The following ARHGAP15 variants were observed in gnomAD, a reference collection of about 807,000 sequenced individuals.
The protein encoded by ARHGAP15 is rho GTPase-activating protein 15.
Under a neutral mutation model 63.7 loss-of-function variants are expected in ARHGAP15, and 51 were observed. The ratio of observed to expected loss-of-function variants is 0.80; its 90% CI spans 0.64 to 1.01. ARHGAP15 has a LOEUF of 1.01. ARHGAP15 is among the 50% of genes least tolerant of loss of function. The pLI is 0.00. For synonymous variants in ARHGAP15, 191 were observed against 193.8 expected (o/e 0.99, Z 0.12); for missense variants, 560 against 564.6 (o/e 0.99, Z 0.08).
At chr2:143,381,154 T>C (rs1290599375) in intron 6 of ARHGAP15, among the ~76,000 whole-genome samples, 1 of 152,172 alleles carries the variant, frequency 6.6e-6, no homozygotes, top group Non-Finnish European at 1.5e-5. Flanking sequence ...TCTAGTCGAG[T>C]GAAGTCTTCA....
chr2:143,224,024 T>C (rs1693104263), intron 4 of ARHGAP15, among the ~76,000 whole-genome samples: 1 of 152,224 alleles, frequency 6.6e-6, no homozygotes, highest in South Asian at 2.1e-4. Flanking sequence ...CTTAGAATTG[T>C]GTTTGGCACG....
At chr2:143,375,959 C>T (rs1027561794) in intron 6 of ARHGAP15, among the ~76,000 whole-genome samples, 1 of 152,202 alleles carries the variant, frequency 6.6e-6, no homozygotes, top group African/African-American at 2.4e-5. Flanking sequence ...ACAGAACAAG[C>T]TCACATTGTA....
intron 13 of ARHGAP15, among the ~76,000 whole-genome samples, chr2:143,743,260 C>A (rs1323372358): frequency 6.6e-6 from 1 of 152,132 alleles, no homozygotes. Flanking sequence ...AATAATAGTA[C>A]CTGTCTCACA....
At chr2:143,221,152 T>G (rs1304773195) in intron 4 of ARHGAP15, among the ~76,000 whole-genome samples, 1 of 152,304 alleles carries the variant, frequency 6.6e-6, no homozygotes, top group Middle Eastern at 3.4e-3. Flanking sequence ...TATTATTTTA[T>G]TAATTTCTAT....
chr2:143,276,775 G>A (rs1460273032), intron 6 of ARHGAP15, among the ~76,000 whole-genome samples: 1 of 152,006 alleles, frequency 6.6e-6, no homozygotes, highest in Non-Finnish European at 1.5e-5. Context: ...CTCCAGCCTT[G>A]GTGACAGAGT....
At chr2:143,493,075 A>C (rs188659847) in intron 9 of ARHGAP15, among the ~76,000 whole-genome samples, 2 of 151,980 alleles carry the variant, frequency 1.3e-5, no homozygotes, top group African/African-American at 2.4e-5. Context: ...AACAAAAAAA[A>C]CCATCAATTA....
At chr2:143,682,174 AT>A (rs556570796) in intron 12 of ARHGAP15, among the ~76,000 whole-genome samples, 17 of 152,006 alleles carry the variant, frequency 1.1e-4, no homozygotes, top group Non-Finnish European at 2.1e-4. Flanking sequence ...ATAATTGATA[AT>A]TTTTTTTCTT....
chr2:143,749,518 A>G (rs1303034303), intron 13 of ARHGAP15, among the ~76,000 whole-genome samples: 1 of 152,096 alleles, frequency 6.6e-6, no homozygotes, highest in Non-Finnish European at 1.5e-5. Flanking sequence ...AATTCCCTTA[A>G]ACGTTTCATT....
intron 6 of ARHGAP15, among the ~76,000 whole-genome samples, chr2:143,304,046 C>T (rs939557387): frequency 6.6e-5 from 10 of 152,198 alleles, no homozygotes; most frequent in East Asian, 1.9e-4. Context: ...GACAGTGTGG[C>T]GATTCCTCAA....
chr2:143,243,692 C>T (rs560218169), intron 5 of ARHGAP15, among the ~76,000 whole-genome samples: 3 of 152,004 alleles, frequency 2.0e-5, no homozygotes, highest in South Asian at 2.1e-4. Flanking sequence ...GATTGTCTTC[C>T]GAATAAATTC....
In ARHGAP15 at chr2:143,736,847, C is replaced by T. The variant is rs1281437410; in HGVS notation, c.1245-31142C>T. 2.6e-5 allele frequency among the ~76,000 whole-genome samples: 4 copies of T among 152,294 alleles called. No individual in the cohort carries two copies. The East Asian group carries it at 7.7e-4, about 29-fold the overall frequency. On this transcript the variant is annotated intron_variant, in intron 13 of 13. Transcript: ENST00000295095. ...AAGCAACATTTCAAAACCCAACCAA[C>T]ATCTATCATGATAAATTTGGAAAAG... is the stretch of plus-strand genomic sequence containing the variant.
At position 143,311,123 on chromosome 2, in the gene ARHGAP15, A is replaced by C. The variant is rs199703597; in HGVS notation, c.474+60523A>C. 1.4e-4 allele frequency among the ~76,000 whole-genome samples: 22 copies of C among 152,170 alleles called. No homozygotes were observed. In the East Asian group the frequency reaches 4.1e-3, roughly 28 times the overall value. ...GTACATTTACTGTAACCTTATACAA[A>C]AGATTCATATTTTTCTACTCAAATG... On this transcript the variant is annotated intron_variant, in intron 6 of 13. Transcript: ENST00000295095.
At chr2:143,754,966 GCA>G (rs1393268510) in intron 13 of ARHGAP15, among the ~76,000 whole-genome samples, 1 of 152,160 alleles carries the variant, frequency 6.6e-6, no homozygotes, top group East Asian at 1.9e-4. Context: ...TGAACTGAGG[GCA>G]CAGTGTTGCT....
intron 6 of ARHGAP15, among the ~76,000 whole-genome samples, chr2:143,269,894 G>T (rs954769087): frequency 1.3e-5 from 2 of 152,026 alleles, no homozygotes; most frequent in Non-Finnish European, 2.9e-5. Context: ...TTTTACAGAA[G>T]TTTTCCAAAA....
intron 3 of ARHGAP15, among the ~76,000 whole-genome samples, chr2:143,215,237 C>A (rs984582167): frequency 1.3e-5 from 2 of 152,068 alleles, no homozygotes; most frequent in African/African-American, 4.8e-5. Context: ...CATGGAAAGA[C>A]CCTCTAATAA....
At chr2:143,393,787 T>C (rs115203798) in intron 6 of ARHGAP15, among the ~76,000 whole-genome samples, 147 of 151,040 alleles carry the variant, frequency 9.7e-4, no homozygotes, top group African/African-American at 3.4e-3. Context: ...TAAGGTGTCT[T>C]TCACAGGACT....
At chr2:143,425,889 G>T (rs977541095) in intron 6 of ARHGAP15, among the ~76,000 whole-genome samples, 7 of 152,068 alleles carry the variant, frequency 4.6e-5, no homozygotes, top group African/African-American at 1.7e-4. Context: ...CTTACTTCTT[G>T]AATTATGCAG....
At chr2:143,524,177 C>T (rs1694169096) in intron 10 of ARHGAP15, among the ~76,000 whole-genome samples, 1 of 150,930 alleles carries the variant, frequency 6.6e-6, no homozygotes, top group Non-Finnish European at 1.5e-5. Context: ...GCCTCAAAAA[C>T]TTTATCTCTC....
intron 6 of ARHGAP15, among the ~76,000 whole-genome samples, chr2:143,415,339 T>A (rs538586306): frequency 2.1e-4 from 32 of 151,978 alleles, no homozygotes; most frequent in Non-Finnish European, 4.1e-4. Context: ...AACCTCTTTG[T>A]GACTAAAGAT....
Sources: gnomAD v4.1 joint callset for allele counts (sites outside exome capture counted in the v4.1 genomes callset) on GRCh38, gnomAD v4.1.1 for gene constraint, MANE v1.5 for transcripts, NCBI Gene and HGNC (gene_info 2026-07-23, HGNC 2026-07-21) for gene names.